EFCAB7: variants seen among roughly 807,000 people sequenced by gnomAD.
The protein encoded by EFCAB7 is EF-hand calcium-binding domain-containing protein 7.
A neutral mutation model predicts 77.1 loss-of-function variants in EFCAB7; 66 were observed. The ratio of observed to expected loss-of-function variants is 0.86; its 90% CI spans 0.70 to 1.05. EFCAB7 has a LOEUF of 1.05. Ranked by LOEUF, EFCAB7 falls within the 50% of genes least tolerant of loss-of-function variation. The pLI is 0.00. For missense variants in EFCAB7, 638 were observed against 730.5 expected (o/e 0.87, Z 1.46); for synonymous variants, 225 against 243.3 (o/e 0.92, Z 0.70).
chr1:63,544,217 G>A (rs911406183), intron 6 of EFCAB7, among the ~76,000 whole-genome samples: 4 of 151,994 alleles, frequency 2.6e-5, no homozygotes, highest in African/African-American at 9.6e-5. Flanking sequence ...TGATCCACCC[G>A]CCTTGGCCTC....
chr1:63,557,762 GA>G (rs1215423467), intron 10 of EFCAB7, among the ~76,000 whole-genome samples: 3 of 152,212 alleles, frequency 2.0e-5, no homozygotes, highest in Non-Finnish European at 2.9e-5. Flanking sequence ...GAAAATCACT[GA>G]GAATGAGGCA....
At chr1:63,534,239 A>G (rs1646736677) in intron 6 of EFCAB7, 23 bp downstream of exon 6, 16 of 1,600,948 alleles carry the variant, frequency 1.0e-5, no homozygotes, top group Non-Finnish European at 1.3e-5. Context: ...AAGTTAACAG[A>G]TGACTTTTTC....
chr1:63,583,708 A>T, the EFCAB7 span, among the ~76,000 whole-genome samples: 4 of 152,150 alleles, frequency 2.6e-5, no homozygotes, highest in Non-Finnish European at 5.9e-5. Context: ...CCTTTTAGAA[A>T]AGAAAACTAT....
intron 2 of EFCAB7, 22 bp from the exon 3 acceptor site, chr1:63,531,798 T>C: frequency 1.2e-6 from 2 of 1,603,588 alleles, no homozygotes; most frequent in Non-Finnish European, 1.7e-6. Flanking sequence ...CAATCACAAA[T>C]AATACTTGTC....
chr1:63,574,256 G>A (rs1302754585), downstream of EFCAB7, among the ~76,000 whole-genome samples: 1 of 152,198 alleles, frequency 6.6e-6, no homozygotes, highest in Admixed American at 6.5e-5. Flanking sequence ...CTTGAGGGTA[G>A]AGTCCCATGA....
intron 2 of EFCAB7, among the ~76,000 whole-genome samples, chr1:63,531,142 T>A (rs1462131853): frequency 6.6e-6 from 1 of 151,986 alleles, no homozygotes; most frequent in African/African-American, 2.4e-5. Context: ...TTGACCAACC[T>A]CTCCCCATCC....
the EFCAB7 span, among the ~76,000 whole-genome samples, chr1:63,579,355 C>G: frequency 6.6e-6 from 1 of 152,208 alleles, no homozygotes; most frequent in Non-Finnish European, 1.5e-5. Flanking sequence ...TTTTATTCAG[C>G]ATAATGCCTT....
chr1:63,566,519 A>T (rs1647175350), intron 11 of EFCAB7, among the ~76,000 whole-genome samples: 1 of 152,218 alleles, frequency 6.6e-6, no homozygotes, highest in Admixed American at 6.5e-5. Context: ...AAGAAAAAAA[A>T]TTAGAGAATA....
intron 11 of EFCAB7, among the ~76,000 whole-genome samples, chr1:63,562,404 C>A (rs1647112517): frequency 2.4e-5 from 3 of 124,152 alleles, no homozygotes; most frequent in Admixed American, 9.2e-5. Flanking sequence ...TCGTAATAAA[C>A]CATAGGGGTA....
chr1:63,571,158 T>G, intron 13 of EFCAB7, 30 bp downstream of exon 13: 1 of 1,522,748 alleles, frequency 6.6e-7, no homozygotes. Context: ...TTAAAGCCTT[T>G]TGTTTTATGT....
chr1:63,572,570 A>G lies in EFCAB7; in HGVS notation c.*54A>G. On this transcript the variant is annotated 3_prime_UTR_variant, in exon 14 of 14. Transcript: ENST00000371088. ...AGAATTATTTCAGATTTAGTCTGTT[A>G]TTTATTAAACAACTAAATGCTACTT... 1 of 1,312,166 alleles carries G rather than the reference A, an allele frequency of 7.6e-7. No homozygotes were observed. The highest frequency in any genetic ancestry group is 1.0e-6 in the Non-Finnish European group (1 of 981,970). 81.3% of individuals were successfully genotyped at this position (1,312,166 alleles called of 1,614,324 possible). A position where few individuals can be genotyped will look rare whatever the true frequency, so the allele number is the denominator to read the frequency against.
At chr1:63,584,871 T>G in the EFCAB7 span, among the ~76,000 whole-genome samples, 1 of 152,214 alleles carries the variant, frequency 6.6e-6, no homozygotes, top group Non-Finnish European at 1.5e-5. Context: ...TTTCCACTTG[T>G]GGGGGTGGTT....
At chr1:63,563,247 T>A (rs566284059) in intron 11 of EFCAB7, among the ~76,000 whole-genome samples, 40 of 152,344 alleles carry the variant, frequency 2.6e-4, no homozygotes, top group African/African-American at 9.1e-4. Context: ...TAATTTAATT[T>A]AAATTTCATT....
the EFCAB7 span, among the ~76,000 whole-genome samples, chr1:63,580,659 T>C: frequency 6.6e-6 from 1 of 152,188 alleles, no homozygotes; most frequent in Non-Finnish European, 1.5e-5. Context: ...ACTGTATTGA[T>C]CATTTGGGGG....
At chr1:63,579,381 TTGTA>T in the EFCAB7 span, among the ~76,000 whole-genome samples, 5 of 152,228 alleles carry the variant, frequency 3.3e-5, no homozygotes, top group Non-Finnish European at 7.3e-5. Flanking sequence ...ATCATCCAAA[TTGTA>T]TGTATCAATA....
In EFCAB7 at chr1:63,533,475, A is replaced by G; in HGVS notation, c.508A>G (p.Thr170Ala). 1 of 1,602,976 alleles carries G rather than the reference A, an allele frequency of 6.2e-7. No homozygotes were observed. The highest frequency in any genetic ancestry group is 8.5e-7 in the Non-Finnish European group (1 of 1,177,172). The change falls in exon 5 of 14, where the codon ACC (threonine) becomes GCC (alanine). Residue 170 changes from threonine to alanine, a missense_variant. By Grantham distance (58) the Thr-to-Ala change is moderately conservative. Transcript: ENST00000371088. ...GTAGTTTTGTAAATTATATATGACA[A>G]CCAACGAGCAATGTCTCAAGACTAC... ...YIKFCKLYMTTNEQCLKTTLE... is the reference protein window; with the variant it reads ...YIKFCKLYMTANEQCLKTTLE...
At chr1:63,553,283 GC>G (rs879886367) in intron 8 of EFCAB7, among the ~76,000 whole-genome samples, 1 of 152,146 alleles carries the variant, frequency 6.6e-6, no homozygotes, top group Admixed American at 6.5e-5. Context: ...TCTACATCTA[GC>G]CAATTTCAAA....
intron 7 of EFCAB7, chr1:63,547,928 A>C (rs1247381336): frequency 1.3e-5 from 2 of 152,264 alleles, no homozygotes; most frequent in East Asian, 1.9e-4. Context: ...TGTTGCTCAC[A>C]GAAAGTCACA....
the EFCAB7 span, among the ~76,000 whole-genome samples, chr1:63,583,540 T>C: frequency 1.3e-5 from 2 of 152,082 alleles, no homozygotes; most frequent in African/African-American, 4.8e-5. Flanking sequence ...TGAGGTCTAC[T>C]TGCTCCCCAA....
Sources: gnomAD v4.1 joint callset for allele counts (sites outside exome capture counted in the v4.1 genomes callset) on GRCh38, gnomAD v4.1.1 for gene constraint, MANE v1.5 for transcripts, NCBI Gene and HGNC (gene_info 2026-07-23, HGNC 2026-07-21) for gene names.